The following MICU2 variants were observed in gnomAD, a reference collection of about 807,000 sequenced individuals.
MICU2 encodes mitochondrial calcium uptake 2, also known as calcium uptake protein 2, mitochondrial.
A neutral mutation model predicts 60.4 loss-of-function variants in MICU2; 64 were observed. The observed-to-expected ratio is 1.06, with a 90% CI of 0.87 to 1.31. MICU2 has a LOEUF of 1.31. MICU2 is among the 50% of genes most tolerant of loss of function. The pLI is 0.00. For missense variants in MICU2, 569 were observed against 531.0 expected, an observed-to-expected ratio of 1.07 and a Z score of -0.70; for synonymous variants, 201 against 175.0, an observed-to-expected ratio of 1.15 and a Z score of -1.17.
chr13:21,538,652 T>C (rs1653495668), intron 4 of MICU2, among the ~76,000 whole-genome samples: 1 of 151,584 alleles, frequency 6.6e-6, no homozygotes, highest in African/African-American at 2.4e-5. Context: ...AGCATTTACA[T>C]TGTATTAGGT....
intron 7 of MICU2, among the ~76,000 whole-genome samples, chr13:21,510,699 G>A (rs1021464358): frequency 6.6e-6 from 1 of 152,268 alleles, no homozygotes; most frequent in East Asian, 1.9e-4. Context: ...AAAAACAGCA[G>A]TCAGAGAAAC....
chr13:21,494,329 C>T (rs532391689), intron 11 of MICU2, among the ~76,000 whole-genome samples: 76 of 152,214 alleles, frequency 5.0e-4, no homozygotes, highest in Non-Finnish European at 9.7e-4. Flanking sequence ...CATGTAGATT[C>T]TCTTTGGACC....
At chr13:21,539,404 CTT>C (rs1887221824) in intron 3 of MICU2, 27 bp from the exon 4 acceptor site, 1 of 1,592,288 alleles carries the variant, frequency 6.3e-7, no homozygotes, top group Non-Finnish European at 8.6e-7. Context: ...TAAAATTAAA[CTT>C]CTAAAAGTTC....
At position 21,510,045 on chromosome 13, in the gene MICU2, T is replaced by C; in HGVS notation, c.720A>G (p.Gly240=). 1 of 1,545,294 alleles carries C rather than the reference T, an allele frequency of 6.5e-7. No homozygotes were observed. Among genetic ancestry groups the C allele is most frequent in the Non-Finnish European group, 8.7e-7 (1 of 1,152,306 alleles). Residue 240 remains glycine (G), a synonymous_variant, in exon 8 of 12, where the codon GGA becomes GGG. Transcript: ENST00000382374. ...AATGAAGTTTTCTTTGTCCTCTTTT[T>C]CCAAAGAAACGCATCTGAAGAGTTG... The part of the protein sequence containing the change: ...INTTLQMRFF[G]KRGQRKLHYK...
chr13:21,510,894 A>G (rs576537572), intron 7 of MICU2, among the ~76,000 whole-genome samples: 2 of 150,850 alleles, frequency 1.3e-5, no homozygotes, highest in Admixed American at 1.3e-4. Context: ...TTCTGCAATA[A>G]GTAGATTAAC....
At chr13:21,507,013 A>G (rs1886306515) in intron 8 of MICU2, among the ~76,000 whole-genome samples, 1 of 152,218 alleles carries the variant, frequency 6.6e-6, no homozygotes, top group Non-Finnish European at 1.5e-5. Flanking sequence ...CTGTTATTTT[A>G]TGACTTAGCA....
intron 1 of MICU2, among the ~76,000 whole-genome samples, chr13:21,589,217 C>CTAAA (rs1888520958): frequency 6.6e-6 from 1 of 152,166 alleles, no homozygotes; most frequent in African/African-American, 2.4e-5. Context: ...TAAATGACCC[C>CTAAA]TTTACAGGAT....
At chr13:21,535,762 C>A (rs1277279862) in intron 4 of MICU2, among the ~76,000 whole-genome samples, 1 of 152,010 alleles carries the variant, frequency 6.6e-6, no homozygotes, top group African/African-American at 2.4e-5. Context: ...GGAATCTAAA[C>A]CAGGCTTAAA....
In MICU2 at chr13:21,496,093, G is replaced by A. The variant is rs763294046; in HGVS notation, c.1001C>T (p.Ala334Val). The change falls in exon 10 of 12, where the codon GCC (alanine) becomes GTC (valine). Residue 334 changes from alanine (A) to valine (V), a missense_variant. Transcript: ENST00000382374. ...ATGAGCTAAACTGAACATCTGCATG[G>A]CAATAGCAAAGTCTTCCAAGTGGGT... ...FTTHLEDFAI[A>V]MQMFSLAHRP... 1 of 1,614,010 alleles carries A rather than the reference G, an allele frequency of 6.2e-7. No individual in the cohort carries two copies. Among genetic ancestry groups the A allele is most frequent in the African/African-American group, 1.3e-5 (1 of 75,046 alleles).
At position 21,559,533 on chromosome 13, in the gene MICU2, T is replaced by C. The variant is rs552153400; in HGVS notation, c.358+7264A>G. On this transcript the variant is annotated intron_variant, in intron 2 of 11. Transcript: ENST00000382374. The stretch of plus-strand genomic sequence containing the variant: ...AAGTAGGAGTTTCTTTCTTTTCTTT[T>C]TTTTTTTTTGAGACAGAGTCTTGCT... Among the ~76,000 whole-genome samples, 6 of 151,742 alleles carry C rather than the reference T, an allele frequency of 4.0e-5. No individual in the cohort carries two copies. In the East Asian group the frequency reaches 5.8e-4, roughly 15 times the overall value.
At chr13:21,551,800 G>C (rs1467703510) in intron 2 of MICU2, among the ~76,000 whole-genome samples, 1 of 151,908 alleles carries the variant, frequency 6.6e-6, no homozygotes, top group Non-Finnish European at 1.5e-5. Flanking sequence ...GTATTCCATG[G>C]TGTATATGTG....
intron 2 of MICU2, among the ~76,000 whole-genome samples, chr13:21,552,728 T>C (rs928533738): frequency 5.3e-5 from 8 of 152,228 alleles, no homozygotes; most frequent in Admixed American, 2.6e-4. Flanking sequence ...TTGTCAAAGA[T>C]CACATAGTTG....
intron 4 of MICU2, among the ~76,000 whole-genome samples, chr13:21,528,403 T>C (rs1404149702): frequency 2.0e-5 from 3 of 152,224 alleles, no homozygotes; most frequent in Non-Finnish European, 4.4e-5. Flanking sequence ...AAGTTGGAAA[T>C]GTACATGTCA....
chr13:21,600,776 A>T (rs1263271122), intron 1 of MICU2, among the ~76,000 whole-genome samples: 1 of 149,260 alleles, frequency 6.7e-6, no homozygotes, highest in Admixed American at 6.8e-5. Context: ...AATGACTGAA[A>T]ATGAAGGACA....
At chr13:21,509,782 C>T (rs1302290242) in intron 8 of MICU2, among the ~76,000 whole-genome samples, 4 of 152,170 alleles carry the variant, frequency 2.6e-5, no homozygotes, top group African/African-American at 9.7e-5. Context: ...TTCTATGAAA[C>T]AGATACTACT....
chr13:21,570,341 T>C (rs2138044374), intron 1 of MICU2, among the ~76,000 whole-genome samples: 1 of 152,336 alleles, frequency 6.6e-6, no homozygotes, highest in East Asian at 1.9e-4. Context: ...ATATAATCAA[T>C]GTGCAGTGTA....
intron 8 of MICU2, among the ~76,000 whole-genome samples, chr13:21,508,632 C>A (rs533798499): frequency 6.6e-6 from 1 of 152,168 alleles, no homozygotes; most frequent in South Asian, 2.1e-4. Context: ...TACTTCCCAG[C>A]CTCCATTCTC....
At chr13:21,510,785 A>G (rs1045222835) in intron 7 of MICU2, among the ~76,000 whole-genome samples, 2 of 150,086 alleles carry the variant, frequency 1.3e-5, no homozygotes, top group African/African-American at 5.1e-5. Context: ...TCAGAATGTC[A>G]GATTACTGCC....
At position 21,506,074 on chromosome 13, in the gene MICU2, G is replaced by C. The variant is rs142812347; in HGVS notation, c.762-2977C>G. On this transcript the variant is annotated intron_variant, in intron 8 of 11. Coordinates refer to ENST00000382374, the MANE Select transcript of MICU2 (RefSeq NM_152726.3). ...GGGTCTCACTCTGTTGCCTAGGCTG[G>C]AGTGCAGTGGTGTGATCACAACTCA... Among the ~76,000 whole-genome samples, 502 of 151,340 alleles carry C rather than the reference G, an allele frequency of 3.3e-3. 5 individuals are homozygous for C. The highest frequency in any genetic ancestry group is 0.012 in the African/African-American group (476 of 41,158).
Sources: gnomAD v4.1 joint callset for allele counts (sites outside exome capture counted in the v4.1 genomes callset) on GRCh38, gnomAD v4.1.1 for gene constraint, MANE v1.5 for transcripts, NCBI Gene and HGNC (gene_info 2026-07-23, HGNC 2026-07-21) for gene names.